CBX5: variants seen among roughly 807,000 people sequenced by gnomAD.
The protein encoded by CBX5 is chromobox 5.
A neutral mutation model predicts 20.7 loss-of-function variants in CBX5; 7 were observed. That is an observed-to-expected ratio of 0.34 (90% CI 0.19 to 0.63). The LOEUF is 0.63. Among genes scored for constraint, CBX5 ranks in the 30% least tolerant of loss-of-function variants. CBX5 has a pLI of 0.75. For missense variants in CBX5, 110 were observed against 224.1 expected, an observed-to-expected ratio of 0.49 and a Z score of 3.25; for synonymous variants, 78 against 77.0, an observed-to-expected ratio of 1.01 and a Z score of -0.07.
intron 1 of CBX5, among the ~76,000 whole-genome samples, chr12:54,269,410 G>A (rs1356520170): frequency 6.6e-6 from 1 of 151,940 alleles, no homozygotes; most frequent in Non-Finnish European, 1.5e-5. Flanking sequence ...TTTCTTTTGA[G>A]ACAGAGATTG....
intron 1 of CBX5, among the ~76,000 whole-genome samples, chr12:54,267,580 C>T (rs1460510577): frequency 1.3e-5 from 2 of 151,710 alleles, no homozygotes; most frequent in Non-Finnish European, 2.9e-5. Flanking sequence ...GGCACAATCT[C>T]GGCTCACTGC....
chr12:54,262,313 C>G (rs985353268), intron 1 of CBX5, among the ~76,000 whole-genome samples: 2 of 152,208 alleles, frequency 1.3e-5, no homozygotes, highest in Non-Finnish European at 2.9e-5. Flanking sequence ...GTGTCCACCC[C>G]TCCCCACAAA....
At chr12:54,278,132 T>C (rs541250164) in intron 1 of CBX5, among the ~76,000 whole-genome samples, 144 of 152,224 alleles carry the variant, frequency 9.5e-4, no homozygotes, top group African/African-American at 3.3e-3. Flanking sequence ...ATGTGGCGAG[T>C]GATGCGATGT....
At chr12:54,266,085 G>A (rs981897181) in intron 1 of CBX5, among the ~76,000 whole-genome samples, 1 of 146,658 alleles carries the variant, frequency 6.8e-6, no homozygotes, top group Non-Finnish European at 1.5e-5. Context: ...CTACTACAGT[G>A]AGCAAGGGAG....
chr12:54,249,429 ATT>A (rs200474259), intron 3 of CBX5, among the ~76,000 whole-genome samples: 24 of 142,510 alleles, frequency 1.7e-4, no homozygotes, highest in Admixed American at 2.1e-4. Context: ...GGCACTGGAG[ATT>A]TTTTTTTTTT....
At chr12:54,252,779 G>A (rs776190713) in intron 2 of CBX5, among the ~76,000 whole-genome samples, 1 of 151,968 alleles carries the variant, frequency 6.6e-6, no homozygotes, top group African/African-American at 2.4e-5. Context: ...GAGGTCAGGA[G>A]TTTGAGACCA....
chr12:54,251,600 G>A (rs112324237), intron 3 of CBX5, among the ~76,000 whole-genome samples: 3,027 of 150,900 alleles, frequency 0.02, 48 homozygotes, highest in Non-Finnish European at 0.034. Context: ...CATGAGAATC[G>A]CTTAAAGCCG....
In CBX5 at chr12:54,236,191, A is replaced by G. The variant is rs953035341; in HGVS notation, c.*5564T>C. The G allele has an allele frequency of 2.8e-4, 43 of 152,326 alleles. No homozygotes were observed. Among genetic ancestry groups the G allele is most frequent in the African/African-American group, 1.0e-3 (43 of 41,580 alleles). 9.4% of individuals were successfully genotyped at this position (152,326 alleles called of 1,614,324 possible). A position where few individuals can be genotyped will look rare whatever the true frequency, so the allele number is the denominator to read the frequency against. ...ATCAGCCAGTCTGTCTCTGCCCCCA[A>G]GTCAGAAATGTGTATTGGTTTATAG... On this transcript the variant is annotated 3_prime_UTR_variant, in exon 5 of 5. Coordinates refer to ENST00000209875, the MANE Select transcript of CBX5 (RefSeq NM_012117.3).
chr12:54,254,079 T>C (rs531779702), intron 2 of CBX5, among the ~76,000 whole-genome samples: 3 of 152,154 alleles, frequency 2.0e-5, no homozygotes, highest in African/African-American at 7.2e-5. Context: ...TGGGTGAATG[T>C]TATGGTGTTT....
At chr12:54,277,857 A>G (rs750226116) in intron 1 of CBX5, among the ~76,000 whole-genome samples, 4 of 152,116 alleles carry the variant, frequency 2.6e-5, no homozygotes, top group Admixed American at 6.5e-5. Context: ...TTTTTTAGCA[A>G]TGGGATCTTG....
intron 3 of CBX5, among the ~76,000 whole-genome samples, chr12:54,249,481 A>G (rs944311393): frequency 6.6e-6 from 1 of 150,616 alleles, no homozygotes; most frequent in African/African-American, 2.5e-5. Context: ...TGTAGCATTG[A>G]GAACTAATGC....
chr12:54,263,846 A>G (rs909807250), intron 1 of CBX5, among the ~76,000 whole-genome samples: 4 of 151,784 alleles, frequency 2.6e-5, no homozygotes, highest in Non-Finnish European at 5.9e-5. Context: ...GATTGAGACC[A>G]TCCTGGCTAA....
rs137893877 is a variant in CBX5, at chr12:54,270,875, G to A, written c.-43+9133C>T. Among the ~76,000 whole-genome samples, 274 of 151,984 alleles carry A rather than the reference G, an allele frequency of 1.8e-3. 2 individuals carry two copies. In the East Asian group the frequency reaches 0.029, roughly 16 times the overall value. On this transcript the variant is annotated intron_variant, in intron 1 of 4. Transcript: ENST00000209875. ...GACACCAATCCGGGCAACATAACGA[G>A]ACCCTGTCTCTACAAAAAAAGAAAA...
At chr12:54,259,493 T>G (rs546373734) in intron 1 of CBX5, 1 of 152,758 alleles carries the variant, frequency 6.5e-6, no homozygotes, top group South Asian at 2.1e-4. Context: ...GAATGGGGGT[T>G]CCCTCCTTTA....
intron 1 of CBX5, among the ~76,000 whole-genome samples, chr12:54,275,903 T>C (rs1195935211): frequency 2.0e-5 from 3 of 149,756 alleles, no homozygotes; most frequent in African/African-American, 7.4e-5. Flanking sequence ...AGCAGGAGAA[T>C]TGCTTGAACC....
intron 1 of CBX5, chr12:54,272,399 G>A (rs932961953): frequency 2.0e-4 from 31 of 152,202 alleles, no homozygotes; most frequent in Admixed American, 2.0e-3. Context: ...TGAGTCTGAA[G>A]AGTAAGACTG....
intron 1 of CBX5, among the ~76,000 whole-genome samples, chr12:54,270,861 G>A (rs993002645): frequency 2.6e-5 from 4 of 152,074 alleles, no homozygotes; most frequent in Non-Finnish European, 5.9e-5. Flanking sequence ...ACACCAATCC[G>A]GGCAACATAA....
chr12:54,256,659 T>A (rs1339300500), intron 2 of CBX5, among the ~76,000 whole-genome samples: 1 of 152,124 alleles, frequency 6.6e-6, no homozygotes, highest in African/African-American at 2.4e-5. Context: ...GATTTTCAAG[T>A]CTTAGCACAC....
Position 54,232,393 on chromosome 12 carries a change from C to T in CBX5, c.*9362G>A, listed in dbSNP as rs1185757968. ...GGCTCAAGACATCCTCCACAGAGGACCCTGAAGTATTCTATTAACTTTGAT... is the reference window on the plus strand; with the variant it reads ...GGCTCAAGACATCCTCCACAGAGGATCCTGAAGTATTCTATTAACTTTGAT... On this transcript the variant is annotated 3_prime_UTR_variant, in exon 5 of 5. Transcript: ENST00000209875. 1 of 152,152 alleles carries T rather than the reference C, an allele frequency of 6.6e-6. No homozygotes were observed. Among genetic ancestry groups the T allele is most frequent in the Non-Finnish European group, 1.5e-5 (1 of 68,062 alleles). 9.4% of individuals were successfully genotyped at this position (152,152 alleles called of 1,614,324 possible).
Sources: gnomAD v4.1 joint callset for allele counts (sites outside exome capture counted in the v4.1 genomes callset) on GRCh38, gnomAD v4.1.1 for gene constraint, MANE v1.5 for transcripts, NCBI Gene and HGNC (gene_info 2026-07-23, HGNC 2026-07-21) for gene names.